Variants in KAZN observed in about 807,000 individuals in gnomAD.
KAZN encodes the protein kazrin.
A neutral mutation model predicts 87.4 loss-of-function variants in KAZN; 40 were observed. That is an observed-to-expected ratio of 0.46 (90% confidence interval 0.36 to 0.60). KAZN has a LOEUF of 0.60. Ranked by LOEUF, KAZN falls within the 20% of genes least tolerant of loss-of-function variation. The probability of loss-of-function intolerance (pLI) is 0.00; values close to 1 mark genes in which losing one functional copy is unlikely to be tolerated. For synonymous variants in KAZN, 466 were observed against 458.3 expected, an observed-to-expected ratio of 1.02 and a Z score of -0.22; for missense variants, 898 against 1,073.9, an observed-to-expected ratio of 0.84 and a Z score of 2.29.
intron 1 of KAZN, among the ~76,000 whole-genome samples, chr1:13,899,567 T>G (rs554526111): frequency 1.8e-4 from 28 of 152,136 alleles, no homozygotes; most frequent in Admixed American, 1.5e-3. Flanking sequence ...TTATGTTGGG[T>G]TGTGATTTCT....
intron 2 of KAZN, among the ~76,000 whole-genome samples, chr1:14,309,935 A>T (rs1227362476): frequency 6.6e-6 from 1 of 152,158 alleles, no homozygotes. Context: ...GGAAGACCAG[A>T]GAGAAAGCAG....
chr1:14,892,903 C>A lies in KAZN; in HGVS notation c.227-67781C>A, dbSNP rs531306384. On this transcript the variant is annotated intron_variant, in intron 1 of 14. Coordinates refer to ENST00000376030, the MANE Select transcript of KAZN (RefSeq NM_201628.3). Reference sequence around the variant, plus strand: ...AATGGACAGAGGAAGGACCAGTCTCCTAAGATTATTCCTCATTCATGCAGT... The same window carrying A: ...AATGGACAGAGGAAGGACCAGTCTCATAAGATTATTCCTCATTCATGCAGT... Among the ~76,000 whole-genome samples the A allele has an allele frequency of 2.6e-5, 4 of 152,310 alleles. No individual in the cohort carries two copies. The South Asian group carries it at 8.3e-4, about 32-fold the overall frequency.
intron 2 of KAZN, among the ~76,000 whole-genome samples, chr1:14,363,207 A>C (rs1659669959): frequency 6.6e-6 from 1 of 152,186 alleles, no homozygotes; most frequent in African/African-American, 2.4e-5. Flanking sequence ...AATAGCTGAA[A>C]TCTCTATAAA....
intron 1 of KAZN, among the ~76,000 whole-genome samples, chr1:14,734,632 A>T (rs989364280): frequency 7.9e-5 from 12 of 152,292 alleles, no homozygotes; most frequent in African/African-American, 2.4e-4. Flanking sequence ...TTTCTCTAAC[A>T]TGGTCCCCTG....
chr1:14,911,964 C>T lies in KAZN; in HGVS notation c.227-48720C>T, dbSNP rs145507928. ...GTCAGGAGTTTGAGACCAGCCTGTC[C>T]AATATGATGGCACGTTATCTCTACT... On this transcript the variant is annotated intron_variant, in intron 1 of 14. Coordinates refer to ENST00000376030, the MANE Select transcript of KAZN (RefSeq NM_201628.3). Among the ~76,000 whole-genome samples the T allele has an allele frequency of 3.0e-3, 452 of 152,018 alleles. 2 individuals are homozygous for T. The highest frequency in any genetic ancestry group is 0.01 in the African/African-American group (434 of 41,472).
Position 15,066,072 on chromosome 1 carries a change from T to C in KAZN, c.1222+319T>C, listed in dbSNP as rs1639204035. 8.5e-7 allele frequency: 1 copy of C among 1,182,446 alleles called. No individual in the cohort carries two copies. Among genetic ancestry groups the C allele is most frequent in the Non-Finnish European group, 1.0e-6 (1 of 956,652 alleles). 73.2% of individuals were successfully genotyped at this position (1,182,446 alleles called of 1,614,324 possible). A position where few individuals can be genotyped will look rare whatever the true frequency, so the allele number is the denominator to read the frequency against. Reference sequence around the variant, plus strand: ...TCGTCTTTGGAGCGATACAGTTGTGTTGTTAATCTGGTTTATTATTTTTCT... The same window carrying C: ...TCGTCTTTGGAGCGATACAGTTGTGCTGTTAATCTGGTTTATTATTTTTCT... On this transcript the variant is annotated intron_variant, in intron 8 of 14. Transcript: ENST00000376030. The surrounding 1 kb of genome is among the most constrained non-coding windows in gnomAD (Gnocchi z 4.3).
intron 1 of KAZN, among the ~76,000 whole-genome samples, chr1:14,176,333 C>T (rs954526546): frequency 6.6e-6 from 1 of 152,228 alleles, no homozygotes; most frequent in African/African-American, 2.4e-5. Flanking sequence ...CTAAGCAAGA[C>T]GAGGTGGAGC....
chr1:14,518,081 A>C (rs1671389365), intron 2 of KAZN, among the ~76,000 whole-genome samples: 1 of 152,052 alleles, frequency 6.6e-6, no homozygotes, highest in Non-Finnish European at 1.5e-5. Context: ...GACCTTGAAC[A>C]AGCCACTTAT....
chr1:14,981,492 C>A (rs1666244820), intron 2 of KAZN, among the ~76,000 whole-genome samples: 1 of 152,268 alleles, frequency 6.6e-6, no homozygotes, highest in Non-Finnish European at 1.5e-5. Flanking sequence ...TCATTGAACA[C>A]AGTCCTATGC....
intron 2 of KAZN, among the ~76,000 whole-genome samples, chr1:14,295,582 T>A (rs752295689): frequency 6.6e-6 from 1 of 151,804 alleles, no homozygotes; most frequent in Non-Finnish European, 1.5e-5. Flanking sequence ...CACACACTTA[T>A]AGACACACAA....
chr1:14,921,234 G>C lies in KAZN; in HGVS notation c.227-39450G>C, dbSNP rs553116236. ...AACTGCACTGAGTAAAAGTTACAGA[G>C]GGAATTCCCCAGGGTTGTGGCCTTA... On this transcript the variant is annotated intron_variant, in intron 1 of 14. Transcript: ENST00000376030. 8.6e-5 allele frequency among the ~76,000 whole-genome samples: 13 copies of C among 152,020 alleles called. No homozygotes were observed. In the South Asian group the frequency reaches 1.0e-3, roughly 12 times the overall value.
At chr1:14,411,927 A>G (rs796129108) in intron 2 of KAZN, among the ~76,000 whole-genome samples, 37 of 152,356 alleles carry the variant, frequency 2.4e-4, no homozygotes, top group African/African-American at 8.9e-4. Flanking sequence ...AATAGACACA[A>G]TTAGAGAAAT....
At chr1:15,097,848 G>T (rs1028170180) in intron 10 of KAZN, among the ~76,000 whole-genome samples, 2 of 152,188 alleles carry the variant, frequency 1.3e-5, no homozygotes, top group Admixed American at 1.3e-4. Flanking sequence ...ATTAGATGCA[G>T]AGAAATCATG....
chr1:14,836,556 T>C (rs1175877849), intron 1 of KAZN, among the ~76,000 whole-genome samples: 1 of 152,150 alleles, frequency 6.6e-6, no homozygotes, highest in African/African-American at 2.4e-5. Flanking sequence ...CGGAAGCTCA[T>C]CTGGGCCCAC....
intron 2 of KAZN, among the ~76,000 whole-genome samples, chr1:15,006,021 G>A (rs1668965631): frequency 6.6e-6 from 1 of 152,100 alleles, no homozygotes; most frequent in Non-Finnish European, 1.5e-5. Flanking sequence ...AACTCAGCTG[G>A]ATCTGAGCCT....
At position 14,562,568 on chromosome 1, in the gene KAZN, G is replaced by C. The variant is rs150858658; in HGVS notation, c.250-36415G>C. Among the ~76,000 whole-genome samples the C allele has an allele frequency of 4.1e-3, 622 of 152,260 alleles. 5 individuals are homozygous for C. The highest frequency in any genetic ancestry group is 0.014 in the African/African-American group (573 of 41,542). The stretch of plus-strand genomic sequence containing the variant: ...CCCTGGCTGACTTTTCTTCTGTGAG[G>C]TTTTCAGTCTCTGAAATAGCAGCAA... On this transcript the variant is annotated intron_variant, in intron 2 of 16. Coordinates refer to the KAZN transcript ENST00000636203.
intron 1 of KAZN, among the ~76,000 whole-genome samples, chr1:14,795,262 A>G (rs1368249092): frequency 1.3e-5 from 2 of 152,118 alleles, no homozygotes; most frequent in African/African-American, 4.8e-5. Flanking sequence ...GACTAATACA[A>G]TGGGTGAAAT....
At chr1:14,775,852 G>A (rs1056194094) in intron 1 of KAZN, among the ~76,000 whole-genome samples, 2 of 152,146 alleles carry the variant, frequency 1.3e-5, no homozygotes, top group African/African-American at 2.4e-5. Context: ...GGGAGGGTCC[G>A]GGCCACCGGG....
chr1:14,650,087 G>A (rs192359011), intron 1 of KAZN, among the ~76,000 whole-genome samples: 3 of 134,820 alleles, frequency 2.2e-5, no homozygotes, highest in Non-Finnish European at 4.6e-5. Flanking sequence ...GCCCAGAGAA[G>A]TTTAGTAATT....
Sources: gnomAD v4.1 joint callset for allele counts (sites outside exome capture counted in the v4.1 genomes callset) on GRCh38, gnomAD v4.1.1 for gene constraint, Gnocchi (gnomAD v3.1) non-coding constraint, MANE v1.5 for transcripts, NCBI Gene and HGNC (gene_info 2026-07-23, HGNC 2026-07-21) for gene names.